The following MGMT variants were observed in gnomAD, a reference collection of about 807,000 sequenced individuals.
MGMT encodes O-6-methylguanine-DNA methyltransferase.
In MGMT, 14 loss-of-function variants were observed where a neutral mutation model predicts 15.9. That is an observed-to-expected ratio of 0.88 (90% CI 0.58 to 1.37). The LOEUF is 1.37. MGMT is among the 40% of genes most tolerant of loss of function. The pLI is 0.00. For synonymous variants in MGMT, 130 were observed against 118.2 expected (o/e 1.10, Z -0.65); for missense variants, 282 against 268.1 (o/e 1.05, Z -0.36).
chr10:129,691,769 G>A (rs1424145836), intron 2 of MGMT, among the ~76,000 whole-genome samples: 3 of 152,194 alleles, frequency 2.0e-5, no homozygotes, highest in Non-Finnish European at 4.4e-5. Context: ...GGATCCTGCA[G>A]GGCCTGAGTT....
intron 2 of MGMT, among the ~76,000 whole-genome samples, chr10:129,614,327 A>C (rs989329347): frequency 5.3e-5 from 8 of 152,054 alleles, no homozygotes; most frequent in African/African-American, 1.7e-4. Flanking sequence ...TTTCCCCCAC[A>C]CCTGATCGTC....
At chr10:129,611,127 A>G (rs1228638615) in intron 2 of MGMT, among the ~76,000 whole-genome samples, 2 of 152,206 alleles carry the variant, frequency 1.3e-5, no homozygotes, top group Non-Finnish European at 2.9e-5. Flanking sequence ...ATAGACTCAG[A>G]TGCAGAATTG....
intron 1 of MGMT, among the ~76,000 whole-genome samples, chr10:129,470,715 C>T (rs1226952102): frequency 1.3e-5 from 2 of 152,198 alleles, no homozygotes; most frequent in Non-Finnish European, 2.9e-5. Context: ...GCTGCCCATG[C>T]GGATGCTCTG....
chr10:129,490,606 A>G (rs1845460035), intron 1 of MGMT, among the ~76,000 whole-genome samples: 1 of 152,084 alleles, frequency 6.6e-6, no homozygotes. Flanking sequence ...CTTTGTTCTT[A>G]TATTTAAAAT....
chr10:129,698,256 C>T (rs968768703), intron 2 of MGMT, among the ~76,000 whole-genome samples: 2 of 152,152 alleles, frequency 1.3e-5, no homozygotes, highest in South Asian at 2.1e-4. Flanking sequence ...TGCGTCATAG[C>T]GTTTGCATGA....
intron 2 of MGMT, among the ~76,000 whole-genome samples, chr10:129,552,691 C>T (rs909491088): frequency 6.6e-6 from 1 of 152,144 alleles, no homozygotes; most frequent in African/African-American, 2.4e-5. Context: ...CCTGAGACTT[C>T]GGGGCTACTG....
chr10:129,534,747 G>A (rs996587194), intron 1 of MGMT, among the ~76,000 whole-genome samples: 5 of 151,704 alleles, frequency 3.3e-5, no homozygotes, highest in South Asian at 2.1e-4. Context: ...CAGTGAAGGC[G>A]CAGAGATTTG....
intron 2 of MGMT, among the ~76,000 whole-genome samples, chr10:129,559,732 T>C (rs1165111048): frequency 2.0e-5 from 3 of 152,214 alleles, no homozygotes; most frequent in Non-Finnish European, 4.4e-5. Flanking sequence ...TAAAGTTTTT[T>C]AAATTTATGA....
At chr10:129,585,517 C>G (rs1188171243) in intron 2 of MGMT, among the ~76,000 whole-genome samples, 1 of 152,156 alleles carries the variant, frequency 6.6e-6, no homozygotes, top group African/African-American at 2.4e-5. Context: ...GCTCAAGCCT[C>G]TTATATAAAA....
intron 1 of MGMT, among the ~76,000 whole-genome samples, chr10:129,472,696 A>G (rs1845246193): frequency 6.6e-6 from 1 of 152,164 alleles, no homozygotes; most frequent in African/African-American, 2.4e-5. Flanking sequence ...TCCCATCCAG[A>G]AGGAGGCCTG....
intron 2 of MGMT, among the ~76,000 whole-genome samples, chr10:129,638,292 C>CA (rs1358495915): frequency 1.3e-5 from 2 of 151,396 alleles, no homozygotes; most frequent in Admixed American, 1.3e-4. Context: ...AACAATGGTT[C>CA]AAAAAACAGA....
intron 2 of MGMT, among the ~76,000 whole-genome samples, chr10:129,629,453 T>C (rs530466): frequency 0.45 from 68,723 of 152,008 alleles, 15,976 homozygotes; most frequent in East Asian, 0.62. Flanking sequence ...TGTGGCTACT[T>C]TTAAACCTTA....
At chr10:129,521,462 C>T (rs1239042664) in intron 1 of MGMT, among the ~76,000 whole-genome samples, 1 of 152,158 alleles carries the variant, frequency 6.6e-6, no homozygotes. Context: ...ACTTCAGTGA[C>T]CTCATGTAAG....
intron 1 of MGMT, among the ~76,000 whole-genome samples, chr10:129,473,737 A>G (rs1845257959): frequency 6.6e-6 from 1 of 152,218 alleles, no homozygotes; most frequent in Non-Finnish European, 1.5e-5. Flanking sequence ...TTGTGGGAAA[A>G]GCAATTCGCC....
At chr10:129,553,166 T>C (rs182295804) in intron 2 of MGMT, among the ~76,000 whole-genome samples, 1 of 152,312 alleles carries the variant, frequency 6.6e-6, no homozygotes, top group Admixed American at 6.5e-5. Flanking sequence ...GTAGATCATT[T>C]CTCAGTTTAA....
At chr10:129,657,758 G>A (rs1847547999) in intron 2 of MGMT, among the ~76,000 whole-genome samples, 1 of 147,360 alleles carries the variant, frequency 6.8e-6, no homozygotes, top group Non-Finnish European at 1.5e-5. Flanking sequence ...CACAAGGACT[G>A]CGGCCTCTTA....
chr10:129,518,787 G>C (rs1001925303), intron 1 of MGMT, among the ~76,000 whole-genome samples: 22 of 151,364 alleles, frequency 1.5e-4, no homozygotes, highest in Non-Finnish European at 1.9e-4. Flanking sequence ...CCATTCAACA[G>C]TAGGGTATTA....
intron 3 of MGMT, among the ~76,000 whole-genome samples, chr10:129,723,717 A>G (rs1011033977): frequency 6.6e-6 from 1 of 152,172 alleles, no homozygotes; most frequent in Non-Finnish European, 1.5e-5. Flanking sequence ...TAACTGGACA[A>G]AATATCTCAC....
intron 4 of MGMT, among the ~76,000 whole-genome samples, chr10:129,760,854 C>G (rs964851745): frequency 6.6e-6 from 1 of 152,170 alleles, no homozygotes; most frequent in South Asian, 2.1e-4. Flanking sequence ...GTTTTGGTGA[C>G]AGTGGCTGGT....
Sources: gnomAD v4.1 joint callset for allele counts (sites outside exome capture counted in the v4.1 genomes callset) on GRCh38, gnomAD v4.1.1 for gene constraint, MANE v1.5 for transcripts, NCBI Gene and HGNC (gene_info 2026-07-23, HGNC 2026-07-21) for gene names.